Variants in SPOCK3 observed in about 807,000 individuals in gnomAD.
SPOCK3 encodes testican-3.
Under a neutral mutation model 56.6 loss-of-function variants are expected in SPOCK3, and 30 were observed. The ratio of observed to expected loss-of-function variants is 0.53; its 90% CI spans 0.40 to 0.72. The LOEUF is 0.72. SPOCK3 is among the 30% of genes least tolerant of loss of function. SPOCK3 has a pLI of 0.00. For synonymous variants in SPOCK3, 196 were observed against 183.3 expected (o/e 1.07, Z -0.56); for missense variants, 527 against 530.0 (o/e 0.99, Z 0.06).
chr4:166,952,171 T>C (rs1742729452), intron 4 of SPOCK3, among the ~76,000 whole-genome samples: 1 of 152,162 alleles, frequency 6.6e-6, no homozygotes, highest in Non-Finnish European at 1.5e-5. Context: ...CATGATTGTG[T>C]ATCTAGAAAT....
intron 3 of SPOCK3, among the ~76,000 whole-genome samples, chr4:167,013,995 T>A (rs1481194439): frequency 6.6e-6 from 1 of 152,184 alleles, no homozygotes; most frequent in African/African-American, 2.4e-5. Flanking sequence ...TTTGAATGAA[T>A]GTGTGTTAGG....
At chr4:166,774,933 T>C (rs1409699095) in intron 7 of SPOCK3, among the ~76,000 whole-genome samples, 2 of 152,210 alleles carry the variant, frequency 1.3e-5, no homozygotes, top group Non-Finnish European at 2.9e-5. Context: ...TGCAACTTGC[T>C]TACATTTGCA....
intron 2 of SPOCK3, among the ~76,000 whole-genome samples, chr4:167,070,090 T>C (rs932994669): frequency 6.6e-6 from 1 of 151,944 alleles, no homozygotes; most frequent in Non-Finnish European, 1.5e-5. Context: ...AGCCAGTAAG[T>C]GGAAAAATAG....
chr4:166,775,838 T>C (rs1380907076), intron 7 of SPOCK3, among the ~76,000 whole-genome samples: 1 of 152,194 alleles, frequency 6.6e-6, no homozygotes, highest in Non-Finnish European at 1.5e-5. Context: ...GCTAAGTATA[T>C]GCCAAACACT....
At chr4:166,782,415 G>A (rs1390624795) in intron 7 of SPOCK3, among the ~76,000 whole-genome samples, 1 of 152,116 alleles carries the variant, frequency 6.6e-6, no homozygotes. Context: ...ACTAAAGTAA[G>A]TAGATAGAAA....
At chr4:167,110,873 C>G (rs530761898) in intron 2 of SPOCK3, among the ~76,000 whole-genome samples, 1 of 151,908 alleles carries the variant, frequency 6.6e-6, no homozygotes, top group African/African-American at 2.4e-5. Context: ...AACAATGCTA[C>G]CATATAATTT....
chr4:166,850,591 G>C (rs1028354588), intron 6 of SPOCK3, among the ~76,000 whole-genome samples: 2 of 152,194 alleles, frequency 1.3e-5, no homozygotes, highest in African/African-American at 4.8e-5. Context: ...AGACAGCGGG[G>C]GCAGGTCACT....
Position 166,737,609 on chromosome 4 carries a change from T to A in SPOCK3, c.995-5A>T. On this transcript the variant is annotated splice_region_variant and splice_polypyrimidine_tract_variant and intron_variant, in intron 9 of 10. Coordinates refer to ENST00000357545, the MANE Select transcript of SPOCK3 (RefSeq NM_001040159.2). ...CACACAGGGGGATATACTGTCCTGT[T>A]GAAACAACACACAGGCATACAAACA... The A allele has an allele frequency of 6.2e-7, 1 of 1,605,952 alleles. No homozygotes were observed.
At position 166,906,324 on chromosome 4, in the gene SPOCK3, G is replaced by C. The variant is rs545577256; in HGVS notation, c.474+6296C>G. ...AGATGCTATAAACGATTCTGCAACTGGTTGGCCACTTTTTTAAAAATTTTG... is the reference window on the plus strand; with the variant it reads ...AGATGCTATAAACGATTCTGCAACTCGTTGGCCACTTTTTTAAAAATTTTG... On this transcript the variant is annotated intron_variant, in intron 5 of 10. Coordinates refer to ENST00000357545, the MANE Select transcript of SPOCK3 (RefSeq NM_001040159.2). Among the ~76,000 whole-genome samples the C allele has an allele frequency of 2.6e-5, 4 of 152,038 alleles. No homozygotes were observed. In the East Asian group the frequency reaches 7.7e-4, roughly 29 times the overall value.
Position 166,847,646 on chromosome 4 carries a change from T to TA in SPOCK3, c.589+41483_589+41484insT, listed in dbSNP as rs1380947686. Among the ~76,000 whole-genome samples the TA allele has an allele frequency of 2.3e-3, 186 of 80,948 alleles. 3 individuals are homozygous for TA. The highest frequency in any genetic ancestry group is 8.9e-3 in the African/African-American group (149 of 16,720). The allele number at this position is 80,948 out of a possible 152,430, so 53.1% of individuals were successfully genotyped here. Reference sequence around the variant, plus strand: ...CCACAATTCAAAAGGAAAATCCTAGTTTATATATATATATATATATATATA... The same window carrying TA: ...CCACAATTCAAAAGGAAAATCCTAGTATTATATATATATATATATATATATA... On this transcript the variant is annotated intron_variant, in intron 6 of 10. Coordinates refer to ENST00000357545, the MANE Select transcript of SPOCK3 (RefSeq NM_001040159.2).
At chr4:166,902,396 T>C (rs1736146163) in intron 5 of SPOCK3, among the ~76,000 whole-genome samples, 1 of 152,060 alleles carries the variant, frequency 6.6e-6, no homozygotes, top group South Asian at 2.1e-4. Context: ...ATGTATTTCA[T>C]CACTTCTGGA....
rs553704607 is a variant in SPOCK3, at chr4:167,222,485, TATATTAC to T, written c.189+11493_189+11499del. 1.2e-3 allele frequency among the ~76,000 whole-genome samples: 161 copies of T among 134,722 alleles called. 1 individual carries two copies. Among genetic ancestry groups the T allele is most frequent in the African/African-American group, 3.9e-3 (140 of 36,172 alleles). The allele number at this position is 134,722 out of a possible 152,430, so 88.4% of individuals were successfully genotyped here. A position where few individuals can be genotyped will look rare whatever the true frequency, so the allele number is the denominator to read the frequency against. The stretch of plus-strand genomic sequence containing the variant: ...TTATATAGATTTATATATAAACATA[TATATTAC>T]ATATGAATATATGAATATATAATAT... On this transcript the variant is annotated intron_variant, in intron 2 of 10. Transcript: ENST00000357545.
intron 4 of SPOCK3, among the ~76,000 whole-genome samples, chr4:166,970,799 C>A (rs562689696): frequency 2.6e-5 from 4 of 151,444 alleles, no homozygotes; most frequent in African/African-American, 9.7e-5. Flanking sequence ...ATTACAATTA[C>A]AAAACCCCAA....
intron 2 of SPOCK3, among the ~76,000 whole-genome samples, chr4:167,174,428 A>G (rs971497086): frequency 1.5e-5 from 2 of 133,442 alleles, no homozygotes; most frequent in African/African-American, 6.9e-5. Context: ...ATTATACTCT[A>G]AAATTTTGAA....
At chr4:166,772,553 A>T (rs151035459) in intron 7 of SPOCK3, among the ~76,000 whole-genome samples, 1,671 of 123,392 alleles carry the variant, frequency 0.014, 28 homozygotes, top group African/African-American at 0.047. Context: ...TCAAATTAGA[A>T]GAAAGAGAGG....
chr4:166,799,834 T>C (rs889580373), intron 6 of SPOCK3, among the ~76,000 whole-genome samples: 1 of 151,542 alleles, frequency 6.6e-6, no homozygotes, highest in Non-Finnish European at 1.5e-5. Flanking sequence ...GACAAGAAAG[T>C]TCACAGTGAA....
At chr4:167,203,281 T>C (rs182142691) in intron 2 of SPOCK3, among the ~76,000 whole-genome samples, 2 of 152,138 alleles carry the variant, frequency 1.3e-5, no homozygotes, top group Admixed American at 6.6e-5. Context: ...TTTTGTATAA[T>C]AGCTTCTACA....
chr4:167,124,763 C>T (rs773364146), intron 2 of SPOCK3, among the ~76,000 whole-genome samples: 1 of 152,084 alleles, frequency 6.6e-6, no homozygotes, highest in Non-Finnish European at 1.5e-5. Context: ...TTCACAGTTC[C>T]TCTGTGGAAT....
At chr4:166,891,781 A>G (rs1368027113) in intron 5 of SPOCK3, among the ~76,000 whole-genome samples, 4 of 152,010 alleles carry the variant, frequency 2.6e-5, no homozygotes, top group African/African-American at 9.6e-5. Flanking sequence ...ACTTTCTCAT[A>G]TAATAATTCT....
Sources: gnomAD v4.1 joint callset for allele counts (sites outside exome capture counted in the v4.1 genomes callset) on GRCh38, gnomAD v4.1.1 for gene constraint, MANE v1.5 for transcripts, NCBI Gene and HGNC (gene_info 2026-07-23, HGNC 2026-07-21) for gene names.